CLIC4: variants seen among roughly 807,000 people sequenced by gnomAD.
The protein encoded by CLIC4 is chloride intracellular channel protein 4.
Under a neutral mutation model 24.6 loss-of-function variants are expected in CLIC4, and 13 were observed. That is an observed-to-expected ratio of 0.53 (90% CI 0.34 to 0.84). The LOEUF is 0.84. Ranked by LOEUF, CLIC4 falls within the 40% of genes least tolerant of loss-of-function variation. The pLI is 0.01. For synonymous variants in CLIC4, 104 were observed against 111.3 expected, an observed-to-expected ratio of 0.93 and a Z score of 0.41; for missense variants, 227 against 301.7, an observed-to-expected ratio of 0.75 and a Z score of 1.83.
chr1:24,839,039 CT>C (rs1639913558), intron 4 of CLIC4, among the ~76,000 whole-genome samples: 1 of 152,186 alleles, frequency 6.6e-6, no homozygotes, highest in Non-Finnish European at 1.5e-5. Flanking sequence ...CTATTCTTGG[CT>C]TCCTGTGAAT....
intron 3 of CLIC4, among the ~76,000 whole-genome samples, chr1:24,824,209 G>GAAAC (rs557959492): frequency 2.6e-5 from 4 of 152,160 alleles, no homozygotes; most frequent in South Asian, 2.1e-4. Flanking sequence ...ATCTGTAATA[G>GAAAC]AAACAAACAA....
chr1:24,763,435 G>A (rs1414421931), intron 1 of CLIC4, among the ~76,000 whole-genome samples: 2 of 150,868 alleles, frequency 1.3e-5, no homozygotes, highest in African/African-American at 4.9e-5. Context: ...AGCTACTTGG[G>A]AGGCTGAGGC....
chr1:24,817,304 A>G (rs1030072950), intron 3 of CLIC4, among the ~76,000 whole-genome samples: 2 of 152,248 alleles, frequency 1.3e-5, no homozygotes, highest in Non-Finnish European at 2.9e-5. Context: ...TCTTCTAGAT[A>G]GATCAGCTAG....
chr1:24,783,081 GCT>G (rs756585809), intron 1 of CLIC4, among the ~76,000 whole-genome samples: 9 of 152,222 alleles, frequency 5.9e-5, no homozygotes, highest in Non-Finnish European at 8.8e-5. Flanking sequence ...TTTATTATTT[GCT>G]CTTTCTCTCA....
intron 4 of CLIC4, among the ~76,000 whole-genome samples, chr1:24,831,771 T>G (rs1349919273): frequency 6.6e-6 from 1 of 152,196 alleles, no homozygotes; most frequent in African/African-American, 2.4e-5. Context: ...CCTGCGTAGC[T>G]GGGACTACAG....
intron 1 of CLIC4, among the ~76,000 whole-genome samples, chr1:24,779,341 G>A (rs1639177450): frequency 6.6e-6 from 1 of 152,054 alleles, no homozygotes; most frequent in Admixed American, 6.6e-5. Context: ...ATGGTGGTAC[G>A]TGCCTATAGT....
intron 2 of CLIC4, among the ~76,000 whole-genome samples, chr1:24,798,684 C>T (rs979204323): frequency 2.6e-5 from 4 of 151,904 alleles, no homozygotes; most frequent in African/African-American, 9.7e-5. Flanking sequence ...CCTCTCTTTC[C>T]ACGGTCTCCC....
intron 3 of CLIC4, 106 bp downstream of exon 3, chr1:24,814,325 C>T: frequency 7.9e-7 from 1 of 1,268,586 alleles, no homozygotes; most frequent in Non-Finnish European, 1.1e-6. Flanking sequence ...ATGACTAGGA[C>T]TCTCTTCTAT....
intron 2 of CLIC4, among the ~76,000 whole-genome samples, chr1:24,799,013 C>T (rs1410682336): frequency 6.6e-6 from 1 of 152,256 alleles, no homozygotes; most frequent in African/African-American, 2.4e-5. Flanking sequence ...ACCTCCCAGC[C>T]GTCTGCCTTG....
intron 2 of CLIC4, among the ~76,000 whole-genome samples, chr1:24,799,609 GC>G (rs1243003978): frequency 1.1e-4 from 15 of 141,864 alleles, no homozygotes; most frequent in African/African-American, 3.4e-4. Context: ...GGGGGGGTCA[GC>G]CCCCCGCCCG....
intron 4 of CLIC4, among the ~76,000 whole-genome samples, chr1:24,837,735 C>T (rs903413528): frequency 6.6e-5 from 10 of 152,244 alleles, no homozygotes; most frequent in South Asian, 2.1e-4. Flanking sequence ...GAAATCTGGC[C>T]GGTTGCAGTG....
At chr1:24,804,648 T>C (rs983286811) in intron 2 of CLIC4, among the ~76,000 whole-genome samples, 3 of 152,066 alleles carry the variant, frequency 2.0e-5, no homozygotes, top group African/African-American at 7.2e-5. Flanking sequence ...ATTTTGTTGC[T>C]ATGTCTTTAT....
chr1:24,783,313 C>T (rs1557801554), intron 1 of CLIC4, among the ~76,000 whole-genome samples: 1 of 152,182 alleles, frequency 6.6e-6, no homozygotes, highest in Non-Finnish European at 1.5e-5. Flanking sequence ...CCAGCCTACT[C>T]TGCTAGTCAG....
chr1:24,811,404 A>T (rs1639613407), intron 2 of CLIC4, among the ~76,000 whole-genome samples: 1 of 152,184 alleles, frequency 6.6e-6, no homozygotes, highest in African/African-American at 2.4e-5. Flanking sequence ...CTAATGGATC[A>T]CCTGGTGAAA....
At chr1:24,748,509 T>G (rs562380272) in intron 1 of CLIC4, among the ~76,000 whole-genome samples, 18 of 143,476 alleles carry the variant, frequency 1.3e-4, no homozygotes, top group African/African-American at 4.1e-4. Flanking sequence ...GTTTTTTTTT[T>G]TTTTTTTTTT....
At chr1:24,748,024 CA>C (rs34000704) in intron 1 of CLIC4, among the ~76,000 whole-genome samples, 74,929 of 118,018 alleles carry the variant, frequency 0.63, 20,865 homozygotes, top group Admixed American at 0.7. Flanking sequence ...GACTTCGTCT[CA>C]AAAAAAAAAA....
intron 2 of CLIC4, 44 bp downstream of exon 2, chr1:24,797,895 C>T (rs1314847250): frequency 7.6e-7 from 1 of 1,322,394 alleles, no homozygotes; most frequent in African/African-American, 1.5e-5. Context: ...GCTGAACTAT[C>T]TTTTCAGTTT....
intron 1 of CLIC4, among the ~76,000 whole-genome samples, chr1:24,759,121 G>A (rs1160995406): frequency 6.6e-6 from 1 of 152,134 alleles, no homozygotes; most frequent in Non-Finnish European, 1.5e-5. Flanking sequence ...TCCTCCTCTT[G>A]TGCTCTTTAG....
In CLIC4 at chr1:24,785,864, A is replaced by G. The variant is rs6695102; in HGVS notation, c.73-11878A>G. Among the ~76,000 whole-genome samples the G allele has an allele frequency of 5.3e-3, 785 of 148,652 alleles. 4 individuals carry two copies. Among genetic ancestry groups the G allele is most frequent in the African/African-American group, 0.018 (741 of 40,698 alleles). ...AGCGAGACTACAACTCAAAAAAAAA[A>G]AAAAAAAAAAAAGAAAAGAAAAAAA... On this transcript the variant is annotated intron_variant, in intron 1 of 5. Transcript: ENST00000374379.
Sources: gnomAD v4.1 joint callset for allele counts (sites outside exome capture counted in the v4.1 genomes callset) on GRCh38, gnomAD v4.1.1 for gene constraint, MANE v1.5 for transcripts, NCBI Gene and HGNC (gene_info 2026-07-23, HGNC 2026-07-21) for gene names.